WDR24: variants seen among roughly 807,000 people sequenced by gnomAD.
WDR24 encodes WD repeat domain 24, also known as GATOR2 complex protein WDR24.
Under a neutral mutation model 66.7 loss-of-function variants are expected in WDR24, and 32 were observed. The ratio of observed to expected loss-of-function variants is 0.48; its 90% confidence interval spans 0.36 to 0.64. The LOEUF is 0.64. Ranked by LOEUF, WDR24 falls within the 30% of genes least tolerant of loss-of-function variation. The probability of loss-of-function intolerance (pLI) is 0.00; values close to 1 mark genes in which losing one functional copy is unlikely to be tolerated. For synonymous variants in WDR24, 565 were observed against 469.1 expected (o/e 1.20, Z -2.64); for missense variants, 978 against 1,144.1 (o/e 0.85, Z 2.09).
intron 1 of WDR24, 125 bp from the exon 2 acceptor site, chr16:687,864 T>A: frequency 7.8e-7 from 1 of 1,288,396 alleles, no homozygotes. Context: ...GAGGGTAGAG[T>A]GGACATCCCC....
intron 1 of WDR24, chr16:688,879 CT>C (rs2039938058): frequency 2.2e-6 from 1 of 457,744 alleles, no homozygotes; most frequent in East Asian, 4.1e-5. Flanking sequence ...ACCACCCAGG[CT>C]GGCTGGGAGA....
At chr16:684,925 G>A (rs371647091) in intron 8 of WDR24, 23 bp from the exon 9 acceptor site, 3 of 1,535,026 alleles carry the variant, frequency 2.0e-6, no homozygotes, top group Admixed American at 2.0e-5. Flanking sequence ...GGGAGGGAGG[G>A]TGCCTCAGCG....
rs146778208 is a variant in WDR24 at position 689,661 on chromosome 16, CAG to C, written c.-23_-22del. ...TCCATGGCTGCACAGGTGATGAGGT[CAG>C]GGGTCAGGAGGTCAGTGAGGTGGGC... On this transcript the variant is annotated 5_prime_UTR_variant, in exon 1 of 9. Coordinates refer to ENST00000293883, the MANE Select transcript of WDR24 (RefSeq NM_032259.4). 750 of 1,607,368 alleles carry C rather than the reference CAG, an allele frequency of 4.7e-4. 13 individuals are homozygous for C. The South Asian group carries it at 6.3e-3, about 14-fold the overall frequency.
Position 684,887 on chromosome 16 carries a change from G to C in WDR24, c.2220C>G (p.Ala740=). The part of the protein sequence containing the change: ...GWVCDRCHRC[A]SMCAVCHHVV... The stretch of plus-strand genomic sequence containing the variant: ...CGTGGTGGCAGACGGCACACATGCT[G>C]GCGCAGCGGTGGCACCTGGGGGCGG... Residue 740 remains alanine, a synonymous_variant, in exon 9 of 9, where the codon GCC becomes GCG. Transcript: ENST00000293883. The C allele has an allele frequency of 6.5e-7, 1 of 1,543,160 alleles. No individual in the cohort carries two copies. The highest frequency in any genetic ancestry group is 8.7e-7 in the Non-Finnish European group (1 of 1,145,106).
Position 685,262 on chromosome 16 carries a change from T to C in WDR24, c.2014A>G (p.Thr672Ala). 6.3e-7 allele frequency: 1 copy of C among 1,593,858 alleles called. No homozygotes were observed. The highest frequency in any genetic ancestry group is 8.5e-7 in the Non-Finnish European group (1 of 1,170,100). Residue 672 changes from threonine to alanine, a missense_variant, in exon 7 of 9, where the codon ACC (threonine) becomes GCC (alanine). This residue lies in a region of WDR24 where 676 missense variants were observed against 617.5 expected (regional missense o/e 1.09). Coordinates refer to ENST00000293883, the MANE Select transcript of WDR24 (RefSeq NM_032259.4). The stretch of plus-strand genomic sequence containing the variant: ...AGGCCCCGCCCACCACACACCTGGG[T>C]CTGCTCGTCGATGTCCTTGCGCACC... ...ERVRKDIDEQTQEHWYTSYID... is the reference protein window; with the variant it reads ...ERVRKDIDEQAQEHWYTSYID...
chr16:686,849 C>A lies in WDR24; in HGVS notation c.1227G>T (p.Met409Ile). 1 of 1,611,274 alleles carries A rather than the reference C, an allele frequency of 6.2e-7. No individual in the cohort carries two copies. The change falls in exon 3 of 9, where the codon ATG (methionine) becomes ATT (isoleucine). Residue 409 changes from methionine to isoleucine, a missense_variant. Met to Ile is a conservative substitution (Grantham distance 10). Transcript: ENST00000293883. ...VFETEPGGGG[M>I]RWFVDTAERY... ...GCTCAGCTGTGTCCACAAACCAGCG[C>A]ATGCCGCCGCCACCTGGCTCCGTCT...
rs769132293 is a variant in WDR24, at chr16:690,365, C to T, written c.-725G>A. On this transcript the variant is annotated 5_prime_UTR_variant, in exon 1 of 9. Coordinates refer to ENST00000293883, the MANE Select transcript of WDR24 (RefSeq NM_032259.4). Reference sequence around the variant, plus strand: ...GCGAACCCCAATCTTTTACTAAAAGCGCACGGTTGTCCGGAACCGCCGCGC... The same window carrying T: ...GCGAACCCCAATCTTTTACTAAAAGTGCACGGTTGTCCGGAACCGCCGCGC... 8 of 456,580 alleles carry T rather than the reference C, an allele frequency of 1.8e-5. No homozygotes were observed. The highest frequency in any genetic ancestry group is 1.2e-4 in the Admixed American group (5 of 42,568). 28.3% of individuals were successfully genotyped at this position (456,580 alleles called of 1,614,324 possible). A position where few individuals can be genotyped will look rare whatever the true frequency, so the allele number is the denominator to read the frequency against.
At chr16:686,556 G>A (rs1371980201) in intron 3 of WDR24, among the ~76,000 whole-genome samples, 188 bp downstream of exon 3, 3 of 152,146 alleles carry the variant, frequency 2.0e-5, no homozygotes, top group Non-Finnish European at 4.4e-5. Flanking sequence ...GACAGTCCTG[G>A]GTCTGGCCCA....
chr16:685,815 G>T, intron 5 of WDR24, 32 bp from the exon 6 acceptor site: 6 of 1,612,964 alleles, frequency 3.7e-6, no homozygotes, highest in Non-Finnish European at 5.1e-6. Context: ...ATTCAGGGTC[G>T]TCTGGGACAC....
chr16:687,174 G>T lies in WDR24; in HGVS notation c.902C>A (p.Thr301Lys), dbSNP rs1446853354. The T allele has an allele frequency of 6.2e-7, 1 of 1,612,774 alleles. No individual in the cohort carries two copies. The highest frequency in any genetic ancestry group is 8.5e-7 in the Non-Finnish European group (1 of 1,179,972). ...GTGGGGGTGGCGCCAGGCAATTCCC[G>T]TGGTGACGTCTCGGTGTTCCTCAAA... ...AMFEEHRDVTTGIAWRHPHDP... is the reference protein window; with the variant it reads ...AMFEEHRDVTKGIAWRHPHDP... The change falls in exon 3 of 9, where the codon ACG (threonine) becomes AAG (lysine). Residue 301 changes from threonine (T) to lysine (K), a missense_variant. Thr to Lys is a moderately conservative substitution (Grantham distance 78). Around this residue, in one of 2 missense-constraint regions of WDR24, gnomAD observed 302 missense variants for 526.6 expected, o/e 0.57. Transcript: ENST00000293883.
chr16:686,497 G>A (rs556208958), intron 3 of WDR24, among the ~76,000 whole-genome samples: 101 of 152,228 alleles, frequency 6.6e-4, no homozygotes, highest in Non-Finnish European at 1.1e-3. Flanking sequence ...AAGGGGGGAA[G>A]AACAGAGAGC....
intron 3 of WDR24, among the ~76,000 whole-genome samples, chr16:686,489 G>A (rs982770020): frequency 6.6e-6 from 1 of 152,270 alleles, no homozygotes; most frequent in African/African-American, 2.4e-5. Flanking sequence ...CCAGAAGCAA[G>A]GGGGGAAGAA....
At position 685,179 on chromosome 16, in the gene WDR24, G is replaced by T. The variant is rs763231021; in HGVS notation, c.2020-3C>A. 1.3e-6 allele frequency: 2 copies of T among 1,589,108 alleles called. No homozygotes were observed. Among genetic ancestry groups the T allele is most frequent in the Non-Finnish European group, 1.7e-6 (2 of 1,167,742 alleles). The stretch of plus-strand genomic sequence containing the variant: ...ATGTAGGAAGTGTACCAGTGCTCCT[G>T]GGGGAGGGAGCGCCCGGCAGTCAGG... On this transcript the variant is annotated splice_region_variant and splice_polypyrimidine_tract_variant and intron_variant, in intron 7 of 8. Coordinates refer to ENST00000293883, the MANE Select transcript of WDR24 (RefSeq NM_032259.4).
In WDR24 at chr16:686,149, C is replaced by G. The variant is rs145091116; in HGVS notation, c.1370G>C (p.Cys457Ser). The G allele has an allele frequency of 4.9e-5, 79 of 1,612,910 alleles. No individual in the cohort carries two copies. The highest frequency in any genetic ancestry group is 6.4e-5 in the Non-Finnish European group (75 of 1,179,976). The change falls in exon 4 of 9, where the codon TGC becomes TCC. Residue 457 changes from cysteine to serine, a missense_variant. Physicochemically the swap from Cys to Ser is moderately radical, Grantham distance 112. This residue lies in a region of WDR24 where 676 missense variants were observed against 617.5 expected (regional missense o/e 1.09). Transcript: ENST00000293883. ...TGCAGTGGGCACTAGGCCAGGGCTG[C>G]AGTAGATGATCCGCAGCATGGTCCA... ...QTWTMLRIIY[C>S]SPGLVPTANL...
chr16:686,400 G>A (rs1201989106), intron 3 of WDR24, among the ~76,000 whole-genome samples: 8 of 152,240 alleles, frequency 5.3e-5, no homozygotes, highest in African/African-American at 1.2e-4. Context: ...GAATTGGGCA[G>A]TGGGGACTTG....
chr16:686,579 G>A (rs567744774), intron 3 of WDR24, among the ~76,000 whole-genome samples, 165 bp downstream of exon 3: 1 of 152,198 alleles, frequency 6.6e-6, no homozygotes, highest in African/African-American at 2.4e-5. Flanking sequence ...CTGGAGCCCT[G>A]GCCCTGTGTG....
Position 686,962 on chromosome 16 carries a change from C to T in WDR24, c.1114G>A (p.Asp372Asn), listed in dbSNP as rs1298346192. Residue 372 changes from aspartate to asparagine, a missense_variant, in exon 3 of 9, where the codon GAC becomes AAC. This residue lies in a region of WDR24 where 676 missense variants were observed against 617.5 expected (regional missense o/e 1.09). Coordinates refer to ENST00000293883, the MANE Select transcript of WDR24 (RefSeq NM_032259.4). ...AESGRKPYTG[D>N]RRHPIFFKRK... ...TTAAAGAAGATGGGGTGGCGCCGGT[C>T]GCCAGTGTAGGGCTTGCGCCCCGAC... The T allele has an allele frequency of 4.4e-6, 7 of 1,599,672 alleles. No individual in the cohort carries two copies. The highest frequency in any genetic ancestry group is 5.9e-6 in the Non-Finnish European group (7 of 1,176,670).
At position 686,197 on chromosome 16, in the gene WDR24, G is replaced by T; in HGVS notation, c.1333-11C>A. 6.2e-7 allele frequency: 1 copy of T among 1,611,622 alleles called. No homozygotes were observed. Among genetic ancestry groups the T allele is most frequent in the Non-Finnish European group, 8.5e-7 (1 of 1,179,562 alleles). On this transcript the variant is annotated splice_polypyrimidine_tract_variant and intron_variant, in intron 3 of 8. Coordinates refer to ENST00000293883, the MANE Select transcript of WDR24 (RefSeq NM_032259.4). Reference sequence around the variant, plus strand: ...CCACGTTTGCGCCACCTAGGGGCGGGCACTGGTCACTTGTGGGCGTCCTGG... The same window carrying T: ...CCACGTTTGCGCCACCTAGGGGCGGTCACTGGTCACTTGTGGGCGTCCTGG...
In WDR24 at chr16:689,805, G is replaced by T; in HGVS notation, c.-165C>A. ...TGAGCCAATCCAGGGCTGTCTATCA[G>T]CCAATCAGCCTGACAGGCAAGCTCA... On this transcript the variant is annotated 5_prime_UTR_variant, in exon 1 of 9. The change creates a new upstream start codon in the 5' untranslated region. Coordinates refer to ENST00000293883, the MANE Select transcript of WDR24 (RefSeq NM_032259.4). 9.1e-7 allele frequency: 1 copy of T among 1,100,838 alleles called. No individual in the cohort carries two copies. Among genetic ancestry groups the T allele is most frequent in the Admixed American group, 2.0e-5 (1 of 49,008 alleles). The allele number at this position is 1,100,838 out of a possible 1,614,324, so 68.2% of individuals were successfully genotyped here. A position where few individuals can be genotyped will look rare whatever the true frequency, so the allele number is the denominator to read the frequency against.
Sources: gnomAD v4.1 joint callset for allele counts (sites outside exome capture counted in the v4.1 genomes callset) on GRCh38, gnomAD v4.1.1 for gene constraint, gnomAD v4.1.1 regional missense constraint, MANE v1.5 for transcripts, NCBI Gene and HGNC (gene_info 2026-07-23, HGNC 2026-07-21) for gene names.